IQCM: variants seen among roughly 807,000 people sequenced by gnomAD.
IQCM encodes IQ domain-containing protein M.
In IQCM, 45 loss-of-function variants were observed where a neutral mutation model predicts 57.6. That is an observed-to-expected ratio of 0.78 (90% CI 0.62 to 1.00). IQCM has a LOEUF of 1.00. IQCM is among the 50% of genes least tolerant of loss of function. IQCM has a pLI of 0.00. For synonymous variants in IQCM, 148 were observed against 158.9 expected, an observed-to-expected ratio of 0.93 and a Z score of 0.51; for missense variants, 468 against 511.6, an observed-to-expected ratio of 0.91 and a Z score of 0.82.
intron 12 of IQCM, among the ~76,000 whole-genome samples, chr4:149,531,867 A>T (rs1272191594): frequency 2.6e-5 from 4 of 151,980 alleles, no homozygotes; most frequent in Admixed American, 6.6e-5. Context: ...ATTTCTCCTG[A>T]CTCATAACAG....
intron 7 of IQCM, among the ~76,000 whole-genome samples, chr4:149,631,650 A>G (rs1757274983): frequency 6.6e-6 from 1 of 152,234 alleles, no homozygotes; most frequent in African/African-American, 2.4e-5. Context: ...CCAAAATGTT[A>G]AAAGTAATAG....
At chr4:149,530,416 G>T (rs1746610710) in intron 12 of IQCM, among the ~76,000 whole-genome samples, 1 of 152,074 alleles carries the variant, frequency 6.6e-6, no homozygotes, top group Non-Finnish European at 1.5e-5. Context: ...ATTAGTGAAT[G>T]GGAGAGAAAA....
At chr4:149,815,202 T>C (rs1580366855) in intron 2 of IQCM, 109 bp downstream of exon 2, 1 of 152,036 alleles carries the variant, frequency 6.6e-6, no homozygotes, top group African/African-American at 2.4e-5. Flanking sequence ...ATGGGGGGTA[T>C]AGTTTATAAC....
chr4:149,535,165 T>C (rs1366883079), intron 12 of IQCM, among the ~76,000 whole-genome samples: 1 of 152,086 alleles, frequency 6.6e-6, no homozygotes, highest in East Asian at 1.9e-4. Context: ...TTAAGTCCTT[T>C]GGAAGTTTTC....
At chr4:149,462,282 A>G (rs1448710926) in intron 12 of IQCM, among the ~76,000 whole-genome samples, 4 of 152,312 alleles carry the variant, frequency 2.6e-5, no homozygotes, top group Non-Finnish European at 5.9e-5. Context: ...TGGTTTGCCA[A>G]TGCAAGAAGA....
intron 12 of IQCM, among the ~76,000 whole-genome samples, chr4:149,440,059 C>A (rs1420750143): frequency 1.3e-5 from 2 of 148,340 alleles, no homozygotes; most frequent in African/African-American, 5.0e-5. Context: ...TGGGTTCTAG[C>A]GATTCTCCTG....
At chr4:149,758,003 T>C (rs992174241) in intron 2 of IQCM, among the ~76,000 whole-genome samples, 3 of 152,192 alleles carry the variant, frequency 2.0e-5, no homozygotes, top group Non-Finnish European at 4.4e-5. Flanking sequence ...AGACTAGCAC[T>C]ACTTCATTTC....
At chr4:149,782,746 A>G (rs1445063880) in intron 2 of IQCM, among the ~76,000 whole-genome samples, 1 of 152,174 alleles carries the variant, frequency 6.6e-6, no homozygotes, top group African/African-American at 2.4e-5. Context: ...GATACCTTTA[A>G]AAAAGCAAGG....
chr4:149,606,112 TG>T (rs1754753836), intron 8 of IQCM, among the ~76,000 whole-genome samples: 1 of 152,160 alleles, frequency 6.6e-6, no homozygotes, highest in African/African-American at 2.4e-5. Flanking sequence ...GTATTTGCTG[TG>T]GGCCTTGGGT....
intron 2 of IQCM, among the ~76,000 whole-genome samples, chr4:149,744,801 C>T (rs1035465540): frequency 1.3e-5 from 2 of 151,998 alleles, no homozygotes; most frequent in Admixed American, 1.3e-4. Flanking sequence ...AGTGCCTGAG[C>T]TGTGCAAAGG....
At chr4:149,423,644 T>C (rs916495621) in intron 13 of IQCM, among the ~76,000 whole-genome samples, 2 of 152,048 alleles carry the variant, frequency 1.3e-5, no homozygotes, top group Non-Finnish European at 2.9e-5. Flanking sequence ...GTGTGGTTGT[T>C]TTACATCACT....
intron 13 of IQCM, among the ~76,000 whole-genome samples, chr4:149,401,110 T>A (rs889777618): frequency 6.6e-6 from 1 of 151,664 alleles, no homozygotes; most frequent in African/African-American, 2.4e-5. Context: ...ATGAATAAGA[T>A]AGGCCCACCC....
chr4:149,566,773 T>C (rs1015034705), intron 9 of IQCM, among the ~76,000 whole-genome samples: 14 of 152,190 alleles, frequency 9.2e-5, no homozygotes, highest in African/African-American at 2.7e-4. Context: ...ACTATATCTC[T>C]AGATAATTGG....
At chr4:149,514,557 T>G (rs2149815452) in intron 12 of IQCM, 1 of 152,252 alleles carries the variant, frequency 6.6e-6, no homozygotes, top group African/African-American at 2.4e-5. Context: ...ATGATAAACA[T>G]TTAGTTAGCT....
rs1728615369 is a variant in IQCM at position 149,351,922 on chromosome 4, C to G, written c.*29G>C. ...TGTCTCTTTGGGTAGAGAAGTTTAA[C>G]TATTACAGGTAATAATATGTTGGAA... On this transcript the variant is annotated 3_prime_UTR_variant, in exon 14 of 14. Coordinates refer to ENST00000636793, the MANE Select transcript of IQCM (RefSeq NM_001363507.2). 1 of 396,952 alleles carries G rather than the reference C, an allele frequency of 2.5e-6. No individual in the cohort carries two copies. Among genetic ancestry groups the G allele is most frequent in the African/African-American group, 2.1e-5 (1 of 48,552 alleles). The allele number at this position is 396,952 out of a possible 1,614,324, so 24.6% of individuals were successfully genotyped here.
intron 12 of IQCM, among the ~76,000 whole-genome samples, chr4:149,544,766 G>T (rs915120925): frequency 5.3e-5 from 8 of 152,130 alleles, no homozygotes; most frequent in Non-Finnish European, 1.0e-4. Flanking sequence ...CTAATTTGTG[G>T]CAAGGGTGAC....
At chr4:149,419,914 G>C (rs576698245) in intron 13 of IQCM, among the ~76,000 whole-genome samples, 1 of 152,206 alleles carries the variant, frequency 6.6e-6, no homozygotes, top group Admixed American at 6.5e-5. Context: ...CTGATCTTTA[G>C]AGAAATGCAA....
chr4:149,703,411 G>T (rs1334314722), intron 5 of IQCM, among the ~76,000 whole-genome samples: 2 of 151,844 alleles, frequency 1.3e-5, no homozygotes, highest in Admixed American at 6.6e-5. Context: ...TTGGAGGAGG[G>T]CTAGGAAGAA....
chr4:149,558,938 C>T (rs1187059048), intron 10 of IQCM, among the ~76,000 whole-genome samples: 2 of 152,192 alleles, frequency 1.3e-5, no homozygotes, highest in African/African-American at 4.8e-5. Context: ...AAACTGGACT[C>T]AGTGTTAAAA....
Sources: gnomAD v4.1 joint callset for allele counts (sites outside exome capture counted in the v4.1 genomes callset) on GRCh38, gnomAD v4.1.1 for gene constraint, MANE v1.5 for transcripts, NCBI Gene and HGNC (gene_info 2026-07-23, HGNC 2026-07-21) for gene names.